The following ANKS1B variants were observed in gnomAD, a reference collection of about 807,000 sequenced individuals.
ANKS1B encodes ankyrin repeat and sterile alpha motif domain containing 1B, also known as ankyrin repeat and sterile alpha motif domain-containing protein 1B.
In ANKS1B, 36 loss-of-function variants were observed where a neutral mutation model predicts 148.3. That is an observed-to-expected ratio of 0.24 (90% CI 0.19 to 0.32). The LOEUF (loss-of-function observed/expected upper bound fraction) is 0.32, where lower values mean the gene tolerates loss of function less well. Ranked by LOEUF, ANKS1B falls within the 10% of genes least tolerant of loss-of-function variation. ANKS1B has a pLI of 1.00. For synonymous variants in ANKS1B, 542 were observed against 560.8 expected, an observed-to-expected ratio of 0.97 and a Z score of 0.47; for missense variants, 1,157 against 1,542.6, an observed-to-expected ratio of 0.75 and a Z score of 4.19.
intron 8 of ANKS1B, among the ~76,000 whole-genome samples, chr12:99,715,232 G>T (rs375365466): frequency 3.3e-5 from 5 of 152,058 alleles, no homozygotes; most frequent in African/African-American, 1.2e-4. Context: ...TAACCTGCAC[G>T]TACACATCCA....
intron 17 of ANKS1B, among the ~76,000 whole-genome samples, chr12:98,922,592 G>C (rs1486170051): frequency 2.0e-5 from 3 of 152,082 alleles, no homozygotes; most frequent in Admixed American, 2.0e-4. Flanking sequence ...TCTGCCTCCT[G>C]GGTTCAAGCG....
At chr12:99,366,151 T>C (rs1433355817) in intron 12 of ANKS1B, among the ~76,000 whole-genome samples, 1 of 152,176 alleles carries the variant, frequency 6.6e-6, no homozygotes, top group African/African-American at 2.4e-5. Context: ...TGAACAGCCA[T>C]TTAGAAGCAC....
At chr12:99,870,920 G>A (rs1288608379) in intron 1 of ANKS1B, among the ~76,000 whole-genome samples, 2 of 152,048 alleles carry the variant, frequency 1.3e-5, no homozygotes, top group African/African-American at 4.8e-5. Flanking sequence ...AAGCTCTTTA[G>A]TTTTTAAATT....
rs751071104 is a variant in ANKS1B, at chr12:98,946,080, C to G, written c.2778+107077G>C. 7.2e-5 allele frequency among the ~76,000 whole-genome samples: 11 copies of G among 152,162 alleles called. 1 individual carries two copies. Among genetic ancestry groups the G allele is most frequent in the Admixed American group, 3.3e-4 (5 of 15,282 alleles). ...TCCATCCCTATTCCCAGTGAGGCAA[C>G]TTGTTGCATGTCATTCCCCTGGCAA... is the stretch of plus-strand genomic sequence containing the variant. On this transcript the variant is annotated intron_variant, in intron 17 of 26. Coordinates refer to ENST00000683438, the MANE Select transcript of ANKS1B (RefSeq NM_001352186.2).
At chr12:99,415,729 G>A (rs1023771127) in intron 11 of ANKS1B, among the ~76,000 whole-genome samples, 3 of 151,946 alleles carry the variant, frequency 2.0e-5, no homozygotes, top group African/African-American at 7.2e-5. Context: ...TGCCGCCCAG[G>A]CTGGAGTGTA....
intron 9 of ANKS1B, among the ~76,000 whole-genome samples, chr12:99,592,098 A>C (rs2097708785): frequency 6.6e-6 from 1 of 152,144 alleles, no homozygotes; most frequent in Non-Finnish European, 1.5e-5. Flanking sequence ...ATTATACTTT[A>C]AGACTGTCAT....
intron 25 of ANKS1B, among the ~76,000 whole-genome samples, chr12:98,769,244 C>G (rs10492279): frequency 0.63 from 90,918 of 143,220 alleles, 29,187 homozygotes; most frequent in East Asian, 0.77. Context: ...GAATTTTAAG[C>G]CTTCAAGACT....
chr12:98,935,548 G>A (rs544262715), intron 17 of ANKS1B, among the ~76,000 whole-genome samples: 19 of 152,172 alleles, frequency 1.2e-4, no homozygotes, highest in Non-Finnish European at 2.2e-4. Context: ...GAGAAAGATC[G>A]ACATTAATTC....
chr12:98,845,965 CATAT>C lies in ANKS1B; in HGVS notation c.2779-13833_2779-13830del, dbSNP rs149926433. Among the ~76,000 whole-genome samples, 559 of 98,724 alleles carry C rather than the reference CATAT, an allele frequency of 5.7e-3. 3 individuals carry two copies. Among genetic ancestry groups the C allele is most frequent in the African/African-American group, 0.017 (527 of 30,588 alleles). The allele number at this position is 98,724 out of a possible 152,430, so 64.8% of individuals were successfully genotyped here. ...TGTTGGAGGTCTTATTAGAATTCTT[CATAT>C]ATATATATATACACACACACACACA... On this transcript the variant is annotated intron_variant, in intron 17 of 26. Transcript: ENST00000683438.
At chr12:99,078,717 G>A (rs2048643907) in intron 16 of ANKS1B, among the ~76,000 whole-genome samples, 3 of 152,140 alleles carry the variant, frequency 2.0e-5, no homozygotes, top group Admixed American at 2.0e-4. Flanking sequence ...ATTATAAAAT[G>A]TACCTGGCCA....
intron 1 of ANKS1B, among the ~76,000 whole-genome samples, chr12:99,929,964 T>C (rs2094570968): frequency 2.0e-5 from 3 of 152,198 alleles, no homozygotes; most frequent in Admixed American, 6.5e-5. Context: ...TGGCTTAGGA[T>C]TGACTTGGCA....
intron 19 of ANKS1B, among the ~76,000 whole-genome samples, chr12:98,823,664 G>C: frequency 6.6e-6 from 1 of 152,188 alleles, no homozygotes; most frequent in Non-Finnish European, 1.5e-5. Context: ...GCTAACTTTT[G>C]AGTCTTTAGT....
chr12:99,342,417 C>T (rs77320154), intron 12 of ANKS1B, among the ~76,000 whole-genome samples: 2,492 of 151,962 alleles, frequency 0.016, 73 homozygotes, highest in African/African-American at 0.057. Context: ...TGAAAGAAGT[C>T]AAGTGTGGCT....
intron 22 of ANKS1B, among the ~76,000 whole-genome samples, chr12:98,797,311 G>A (rs577628282): frequency 1.3e-5 from 2 of 152,222 alleles, no homozygotes; most frequent in South Asian, 4.1e-4. Flanking sequence ...TCTGGAGTCA[G>A]ACAGACCCGA....
rs148923816 is a variant in ANKS1B, at chr12:99,832,654, G to A, written c.135-7265C>T. Among the ~76,000 whole-genome samples the A allele has an allele frequency of 7.9e-3, 1,193 of 151,792 alleles. 13 individuals carry two copies. The highest frequency in any genetic ancestry group is 0.027 in the African/African-American group (1,126 of 41,342). On this transcript the variant is annotated intron_variant, in intron 1 of 26. Coordinates refer to ENST00000683438, the MANE Select transcript of ANKS1B (RefSeq NM_001352186.2). ...CACAAGAATCACTTGAACCCAGGAG[G>A]CAGAGGTTGCAGTGAGCCGAGATCA... is the stretch of plus-strand genomic sequence containing the variant.
chr12:99,369,831 T>C (rs548768302), intron 12 of ANKS1B, among the ~76,000 whole-genome samples: 42 of 146,642 alleles, frequency 2.9e-4, no homozygotes, highest in Non-Finnish European at 4.6e-4. Context: ...GACGGACGGA[T>C]AGACAGACAG....
At chr12:99,311,908 G>A (rs1353307608) in intron 12 of ANKS1B, among the ~76,000 whole-genome samples, 1 of 152,034 alleles carries the variant, frequency 6.6e-6, no homozygotes, top group African/African-American at 2.4e-5. Flanking sequence ...CTTGACGGGT[G>A]CAAAATCTTA....
chr12:98,886,492 A>C (rs2099740398), intron 17 of ANKS1B, among the ~76,000 whole-genome samples: 1 of 152,254 alleles, frequency 6.6e-6, no homozygotes, highest in Non-Finnish European at 1.5e-5. Context: ...TAGATATGGA[A>C]GAGATGAAAG....
chr12:99,237,864 G>A (rs1254420500), intron 14 of ANKS1B, among the ~76,000 whole-genome samples: 1 of 152,164 alleles, frequency 6.6e-6, no homozygotes, highest in Non-Finnish European at 1.5e-5. Context: ...CAATCCTTTG[G>A]CCTCAGCCTC....
Sources: gnomAD v4.1 joint callset for allele counts (sites outside exome capture counted in the v4.1 genomes callset) on GRCh38, gnomAD v4.1.1 for gene constraint, MANE v1.5 for transcripts, NCBI Gene and HGNC (gene_info 2026-07-23, HGNC 2026-07-21) for gene names.